TAOK1: variants seen among roughly 807,000 people sequenced by gnomAD.
TAOK1 encodes serine/threonine-protein kinase TAO1.
In TAOK1, 21 loss-of-function variants were observed where a neutral mutation model predicts 138.3. That is an observed-to-expected ratio of 0.15 (90% CI 0.11 to 0.22). TAOK1 has a LOEUF of 0.22. Among genes scored for constraint, TAOK1 ranks in the 10% least tolerant of loss-of-function variants. TAOK1 has a pLI of 1.00. For synonymous variants in TAOK1, 361 were observed against 398.4 expected (o/e 0.91, Z 1.12); for missense variants, 651 against 1,227.7 (o/e 0.53, Z 7.02).
chr17:29,499,176 T>C (rs2031467713), intron 12 of TAOK1, among the ~76,000 whole-genome samples: 1 of 151,760 alleles, frequency 6.6e-6, no homozygotes, highest in Non-Finnish European at 1.5e-5. Flanking sequence ...TGAGAAATGG[T>C]TGGGATGAGT....
intron 1 of TAOK1, among the ~76,000 whole-genome samples, chr17:29,421,189 G>C (rs965957469): frequency 4.7e-5 from 7 of 147,630 alleles, no homozygotes; most frequent in African/African-American, 1.8e-4. Context: ...TTGGCCTCCC[G>C]GAGTGCTGGG....
chr17:29,451,789 C>T, intron 2 of TAOK1, 109 bp downstream of exon 2: 1 of 1,301,674 alleles, frequency 7.7e-7, no homozygotes, highest in Non-Finnish European at 1.0e-6. Flanking sequence ...ATTTTATAGT[C>T]ACTTGCATAG....
intron 2 of TAOK1, among the ~76,000 whole-genome samples, chr17:29,463,303 G>T (rs2030574366): frequency 6.6e-6 from 1 of 151,934 alleles, no homozygotes; most frequent in South Asian, 2.1e-4. Context: ...GGCACGGTGG[G>T]TCATGCCTGT....
At chr17:29,397,527 C>G (rs1904649433) in intron 1 of TAOK1, among the ~76,000 whole-genome samples, 1 of 149,640 alleles carries the variant, frequency 6.7e-6, no homozygotes, top group Non-Finnish European at 1.5e-5. Flanking sequence ...TGCTTGAACT[C>G]AGCAGGCGGA....
intron 2 of TAOK1, among the ~76,000 whole-genome samples, chr17:29,455,993 GT>G (rs2030367777): frequency 6.7e-6 from 1 of 150,148 alleles, no homozygotes; most frequent in Non-Finnish European, 1.5e-5. Flanking sequence ...GAGTTAGGAA[GT>G]GTTCCCTTCT....
chr17:29,459,055 C>T (rs543640155), intron 2 of TAOK1, among the ~76,000 whole-genome samples: 9 of 152,106 alleles, frequency 5.9e-5, no homozygotes, highest in African/African-American at 1.9e-4. Context: ...GGGGTTTCAC[C>T]ATGTTGGCCG....
intron 8 of TAOK1, among the ~76,000 whole-genome samples, chr17:29,485,408 G>A (rs567383634): frequency 3.3e-5 from 5 of 152,072 alleles, no homozygotes; most frequent in Middle Eastern, 3.4e-3. Flanking sequence ...AGGCCAAGGC[G>A]GAAGAATTGC....
At chr17:29,419,337 C>T (rs1207474336) in intron 1 of TAOK1, among the ~76,000 whole-genome samples, 2 of 152,044 alleles carry the variant, frequency 1.3e-5, no homozygotes, top group African/African-American at 4.8e-5. Context: ...GCTGGGATTA[C>T]AGGCATGTGC....
At chr17:29,434,284 A>G (rs1718096396) in intron 1 of TAOK1, among the ~76,000 whole-genome samples, 1 of 152,122 alleles carries the variant, frequency 6.6e-6, no homozygotes. Flanking sequence ...AGTGTCTTGT[A>G]GTACAGAAAC....
chr17:29,480,289 A>G (rs763388165), intron 6 of TAOK1, 79 bp from the exon 7 acceptor site: 1 of 1,010,940 alleles, frequency 9.9e-7, no homozygotes, highest in South Asian at 1.8e-5. Flanking sequence ...TATCCTATGA[A>G]TTCTTGTTTT....
chr17:29,442,122 A>G (rs1598482716), intron 1 of TAOK1, among the ~76,000 whole-genome samples: 1 of 151,716 alleles, frequency 6.6e-6, no homozygotes, highest in East Asian at 1.9e-4. Context: ...GGTTCACTAC[A>G]GCCTCAACCT....
chr17:29,510,950 C>T lies in TAOK1; in HGVS notation c.1662C>T (p.Ser554=), dbSNP rs767709666. The T allele has an allele frequency of 6.2e-7, 1 of 1,608,824 alleles. No individual in the cohort carries two copies. The highest frequency in any genetic ancestry group is 1.7e-5 in the Admixed American group (1 of 59,250). ...QKKELNSFLE[S]QKREYKLRKE... ...AAGAACTGAATAGTTTTCTCGAGTC[C>T]CAGAAAAGAGAGTATAAACTTCGAA... The change falls in exon 15 of 20, where the codon TCC becomes TCT. Residue 554 remains serine, a synonymous_variant. Coordinates refer to ENST00000261716, the MANE Select transcript of TAOK1 (RefSeq NM_020791.4).
chr17:29,432,512 C>G (rs1042770193), intron 1 of TAOK1, among the ~76,000 whole-genome samples: 1 of 152,190 alleles, frequency 6.6e-6, no homozygotes, highest in African/African-American at 2.4e-5. Context: ...AGGCCTGTTC[C>G]CAACAGATGG....
chr17:29,535,203 T>A (rs1334057168), intron 19 of TAOK1, among the ~76,000 whole-genome samples: 1 of 151,930 alleles, frequency 6.6e-6, no homozygotes, highest in Non-Finnish European at 1.5e-5. Flanking sequence ...CCCAGCTACT[T>A]GGGAGGCTGA....
At chr17:29,419,289 T>C (rs1905355133) in intron 1 of TAOK1, among the ~76,000 whole-genome samples, 1 of 151,926 alleles carries the variant, frequency 6.6e-6, no homozygotes, top group Non-Finnish European at 1.5e-5. Context: ...CTCCGCCTCC[T>C]GGGTTCAAGC....
chr17:29,463,720 A>G (rs1288329612), intron 2 of TAOK1, among the ~76,000 whole-genome samples: 1 of 152,256 alleles, frequency 6.6e-6, no homozygotes, highest in South Asian at 2.1e-4. Context: ...AGTGTGAACA[A>G]CAACAACAGG....
chr17:29,481,293 A>G (rs893426747), intron 7 of TAOK1, among the ~76,000 whole-genome samples: 2 of 151,578 alleles, frequency 1.3e-5, no homozygotes, highest in East Asian at 1.9e-4. Flanking sequence ...TCTTAGGTTC[A>G]AGCGATTCTC....
At chr17:29,523,622 G>A (rs753472486) in intron 17 of TAOK1, among the ~76,000 whole-genome samples, 12 of 152,060 alleles carry the variant, frequency 7.9e-5, no homozygotes, top group Non-Finnish European at 1.8e-4. Context: ...TCCTGACCTC[G>A]TGATCCACCC....
At chr17:29,473,940 C>G (rs2030886733) in intron 3 of TAOK1, among the ~76,000 whole-genome samples, 1 of 152,096 alleles carries the variant, frequency 6.6e-6, no homozygotes, top group Non-Finnish European at 1.5e-5. Flanking sequence ...CCTTGTTGGC[C>G]AGGCTGGTCT....
Sources: gnomAD v4.1 joint callset for allele counts (sites outside exome capture counted in the v4.1 genomes callset) on GRCh38, gnomAD v4.1.1 for gene constraint, MANE v1.5 for transcripts, NCBI Gene and HGNC (gene_info 2026-07-23, HGNC 2026-07-21) for gene names.